AFG1L: variants seen among roughly 807,000 people sequenced by gnomAD.
The protein encoded by AFG1L is AFG1 like ATPase.
A neutral mutation model predicts 62.2 loss-of-function variants in AFG1L; 53 were observed. The ratio of observed to expected loss-of-function variants is 0.85; its 90% CI spans 0.68 to 1.07. The LOEUF is 1.07. AFG1L is among the 50% of genes least tolerant of loss of function. AFG1L has a pLI of 0.00. For synonymous variants in AFG1L, 228 were observed against 210.3 expected (o/e 1.08, Z -0.73); for missense variants, 555 against 590.5 (o/e 0.94, Z 0.62).
intron 6 of AFG1L, among the ~76,000 whole-genome samples, chr6:108,378,168 A>T (rs1266790760): frequency 6.6e-6 from 1 of 151,692 alleles, no homozygotes; most frequent in Non-Finnish European, 1.5e-5. Context: ...GAGCTTTTTA[A>T]TTCTAGAGGC....
At chr6:108,303,794 A>T (rs1313522931) in intron 1 of AFG1L, among the ~76,000 whole-genome samples, 1 of 152,212 alleles carries the variant, frequency 6.6e-6, no homozygotes, top group African/African-American at 2.4e-5. Context: ...ATGTGTGTGT[A>T]TAAAATTTAA....
chr6:108,477,007 T>A, intron 9 of AFG1L, 72 bp downstream of exon 9: 1 of 1,333,798 alleles, frequency 7.5e-7, no homozygotes, highest in Non-Finnish European at 1.1e-6. Flanking sequence ...GACCAATTAA[T>A]AAGTTCCATT....
At chr6:108,465,675 CTG>C (rs1772637369) in intron 8 of AFG1L, among the ~76,000 whole-genome samples, 1 of 151,154 alleles carries the variant, frequency 6.6e-6, no homozygotes, top group Non-Finnish European at 1.5e-5. Flanking sequence ...GCTGCTGCTG[CTG>C]CTGCTAAAGT....
intron 7 of AFG1L, among the ~76,000 whole-genome samples, chr6:108,408,517 A>G (rs1781964406): frequency 1.3e-5 from 2 of 152,152 alleles, no homozygotes; most frequent in South Asian, 4.1e-4. Flanking sequence ...CAGCATCCCA[A>G]AACTCTGAGG....
intron 6 of AFG1L, among the ~76,000 whole-genome samples, chr6:108,375,710 G>A (rs1780214545): frequency 6.6e-6 from 1 of 152,006 alleles, no homozygotes; most frequent in African/African-American, 2.4e-5. Context: ...TTTTTGGTGT[G>A]TTGTTGAATT....
intron 12 of AFG1L, chr6:108,520,160 C>T (rs552548525): frequency 1.0e-5 from 2 of 197,184 alleles, no homozygotes; most frequent in Admixed American, 1.1e-4. Context: ...GCTTGCTCTG[C>T]TATACCATGC....
chr6:108,402,599 G>GA, intron 7 of AFG1L, among the ~76,000 whole-genome samples: 1 of 151,690 alleles, frequency 6.6e-6, no homozygotes, highest in East Asian at 1.9e-4. Context: ...TGTGTACACT[G>GA]AAAAAATTAC....
chr6:108,354,147 C>T (rs993868710), intron 3 of AFG1L, among the ~76,000 whole-genome samples: 5 of 152,084 alleles, frequency 3.3e-5, no homozygotes, highest in Non-Finnish European at 7.4e-5. Context: ...GCCACTGACC[C>T]GAATGCCCTA....
chr6:108,400,800 T>A (rs1173193146), intron 6 of AFG1L, among the ~76,000 whole-genome samples: 1 of 122,442 alleles, frequency 8.2e-6, no homozygotes, highest in South Asian at 2.2e-4. Context: ...AATTATATAA[T>A]ATATAATAAA....
chr6:108,447,572 C>G (rs1771868869), intron 8 of AFG1L, among the ~76,000 whole-genome samples: 1 of 152,098 alleles, frequency 6.6e-6, no homozygotes. Flanking sequence ...ATAAGAGACT[C>G]TATTATTACG....
Position 108,355,743 on chromosome 6 carries a change from G to T in AFG1L, c.505G>T (p.Asp169Tyr). The change falls in exon 4 of 13, where the codon GAT (aspartate) becomes TAT (tyrosine). Residue 169 changes from aspartate (D) to tyrosine (Y), a missense_variant. Coordinates refer to ENST00000368977, the MANE Select transcript of AFG1L (RefSeq NM_145315.5). ...KRVHFHGFML[D>Y]VHKRIHRLKQ... is the part of the protein sequence containing the mutation. ...GGTTCATTTTCATGGTTTCATGCTAGATGTGCACAAAAGTAAGCAATGATC... is the reference window on the plus strand; with the variant it reads ...GGTTCATTTTCATGGTTTCATGCTATATGTGCACAAAAGTAAGCAATGATC... 1.2e-6 allele frequency: 2 copies of T among 1,606,320 alleles called. No homozygotes were observed. Among genetic ancestry groups the T allele is most frequent in the Non-Finnish European group, 1.7e-6 (2 of 1,175,948 alleles).
At chr6:108,431,324 G>A (rs1390159077) in intron 7 of AFG1L, among the ~76,000 whole-genome samples, 2 of 151,980 alleles carry the variant, frequency 1.3e-5, no homozygotes, top group Non-Finnish European at 2.9e-5. Flanking sequence ...TGCTGGTCTC[G>A]AACTGCTGAC....
At chr6:108,515,081 C>T (rs1774821732) in intron 11 of AFG1L, among the ~76,000 whole-genome samples, 1 of 152,154 alleles carries the variant, frequency 6.6e-6, no homozygotes, top group Non-Finnish European at 1.5e-5. Flanking sequence ...TAACATTAGA[C>T]AGATCAACAA....
chr6:108,443,889 C>T (rs1334424605), intron 7 of AFG1L, among the ~76,000 whole-genome samples: 1 of 151,936 alleles, frequency 6.6e-6, no homozygotes, highest in Non-Finnish European at 1.5e-5. Flanking sequence ...AAAAAAATTG[C>T]ATTTTTTCAT....
At chr6:108,357,808 T>C (rs149930527) in intron 5 of AFG1L, among the ~76,000 whole-genome samples, 90 of 152,314 alleles carry the variant, frequency 5.9e-4, no homozygotes, top group Non-Finnish European at 1.1e-3. Context: ...AGTGGGAAGA[T>C]GATATGGCCA....
intron 7 of AFG1L, among the ~76,000 whole-genome samples, chr6:108,416,175 T>G (rs1265264487): frequency 3.3e-5 from 5 of 152,180 alleles, no homozygotes; most frequent in Non-Finnish European, 7.3e-5. Context: ...GAAAAAATGC[T>G]CATCATCATT....
At chr6:108,302,900 A>T (rs1777061275) in intron 1 of AFG1L, among the ~76,000 whole-genome samples, 1 of 152,118 alleles carries the variant, frequency 6.6e-6, no homozygotes, top group Non-Finnish European at 1.5e-5. Flanking sequence ...ATAGGAGTAT[A>T]CTTTGCTTAA....
intron 1 of AFG1L, among the ~76,000 whole-genome samples, chr6:108,313,656 T>G (rs2114254078): frequency 6.6e-6 from 1 of 152,214 alleles, no homozygotes; most frequent in Admixed American, 6.5e-5. Flanking sequence ...TTCTCCCATC[T>G]CAGTCTCCTG....
intron 10 of AFG1L, among the ~76,000 whole-genome samples, chr6:108,507,037 T>G (rs1358087400): frequency 6.6e-6 from 1 of 152,226 alleles, no homozygotes; most frequent in Non-Finnish European, 1.5e-5. Flanking sequence ...GGGAAAAAAC[T>G]TCCTTCTTTG....
Sources: gnomAD v4.1 joint callset for allele counts (sites outside exome capture counted in the v4.1 genomes callset) on GRCh38, gnomAD v4.1.1 for gene constraint, MANE v1.5 for transcripts, NCBI Gene and HGNC (gene_info 2026-07-23, HGNC 2026-07-21) for gene names.